ANKAR: variants seen among roughly 807,000 people sequenced by gnomAD.
ANKAR encodes ankyrin and armadillo repeat containing.
In ANKAR, 136 loss-of-function variants were observed where a neutral mutation model predicts 146.2. The observed-to-expected ratio is 0.93, with a 90% confidence interval of 0.81 to 1.07. The LOEUF (loss-of-function observed/expected upper bound fraction) is 1.07. Among genes scored for constraint, ANKAR ranks in the 50% least tolerant of loss-of-function variants. The pLI, the probability that ANKAR is intolerant of heterozygous loss-of-function variation, is 0.00. For synonymous variants in ANKAR, 500 were observed against 575.8 expected (o/e 0.87, Z 1.88); for missense variants, 1,567 against 1,679.9 (o/e 0.93, Z 1.18).
chr2:189,678,331 C>T (rs2118454), intron 2 of ANKAR, among the ~76,000 whole-genome samples: 150,279 of 152,322 alleles, frequency 0.99, 74,168 homozygotes, highest in East Asian at 1. Flanking sequence ...TGGTAGATTC[C>T]GGATATTAGT....
At chr2:189,730,673 T>C in intron 16 of ANKAR, 72 bp downstream of exon 16, 1 of 708,302 alleles carries the variant, frequency 1.4e-6, no homozygotes, top group Non-Finnish European at 2.1e-6. Context: ...TTTTGTATCT[T>C]TATTCAAGTT....
At chr2:189,752,637 G>C in intron 18 of ANKAR, 1 of 1,612,952 alleles carries the variant, frequency 6.2e-7, no homozygotes. Flanking sequence ...TAAAGATCAT[G>C]AATGATACCA....
Position 189,743,270 on chromosome 2 carries a change from T to C in ANKAR, c.3811-5T>C. The C allele has an allele frequency of 1.2e-6, 2 of 1,611,522 alleles. No homozygotes were observed. Among genetic ancestry groups the C allele is most frequent in the Non-Finnish European group, 1.7e-6 (2 of 1,178,386 alleles). On this transcript the variant is annotated splice_region_variant and splice_polypyrimidine_tract_variant and intron_variant, in intron 20 of 22. Coordinates refer to ENST00000684021, the MANE Select transcript of ANKAR (RefSeq NM_001378068.1). ...TGGTTAAGAAAGAATTGTTTCTTCA[T>C]TTAGGTTCGTGCAGCTTGTTCCTCT...
At chr2:189,704,753 A>G (rs1029468939) in intron 7 of ANKAR, among the ~76,000 whole-genome samples, 2 of 150,674 alleles carry the variant, frequency 1.3e-5, no homozygotes, top group Admixed American at 1.3e-4. Context: ...AATATTTTAA[A>G]TGTTACTCAT....
At chr2:189,694,544 C>T (rs979263181) in intron 5 of ANKAR, among the ~76,000 whole-genome samples, 5 of 152,188 alleles carry the variant, frequency 3.3e-5, no homozygotes, top group Non-Finnish European at 7.3e-5. Context: ...GGGGGTTTCT[C>T]TAGTCCACTG....
intron 10 of ANKAR, among the ~76,000 whole-genome samples, chr2:189,717,103 C>A (rs1375247019): frequency 6.6e-6 from 1 of 151,854 alleles, no homozygotes; most frequent in Non-Finnish European, 1.5e-5. Context: ...ATCTAATTAA[C>A]CTAAAGAGCT....
At chr2:189,756,613 C>T (rs2046125916) in intron 18 of ANKAR, among the ~76,000 whole-genome samples, 1 of 152,186 alleles carries the variant, frequency 6.6e-6, no homozygotes. Context: ...TTCAAAGCTA[C>T]TTTTTCTCTT....
chr2:189,714,966 A>AG (rs2040232143), intron 10 of ANKAR, among the ~76,000 whole-genome samples: 1 of 123,914 alleles, frequency 8.1e-6, no homozygotes, highest in African/African-American at 3.1e-5. Context: ...AAAAAAAAAA[A>AG]AGAGAGAGAG....
At chr2:189,725,279 TACACACACACACACACAC>T (rs10546393) in intron 12 of ANKAR, among the ~76,000 whole-genome samples, 15 of 146,572 alleles carry the variant, frequency 1.0e-4, no homozygotes, top group Admixed American at 6.9e-4. Flanking sequence ...TATGGATTTA[TACACACACACACACACAC>T]ACACACACAC....
At chr2:189,715,289 C>A (rs2040291618) in intron 10 of ANKAR, among the ~76,000 whole-genome samples, 1 of 152,086 alleles carries the variant, frequency 6.6e-6, no homozygotes, top group African/African-American at 2.4e-5. Context: ...TACATACTAC[C>A]ATCAGAGAAT....
At chr2:189,681,605 C>T (rs1050350602) in intron 2 of ANKAR, among the ~76,000 whole-genome samples, 4 of 152,168 alleles carry the variant, frequency 2.6e-5, no homozygotes, top group Non-Finnish European at 5.9e-5. Flanking sequence ...AACACTTAAC[C>T]ACCAGCACAG....
At position 189,692,411 on chromosome 2, in the gene ANKAR, AT is replaced by A. The variant is rs533473071; in HGVS notation, c.1200del (p.Gln401ArgfsTer4). 2 of 1,606,648 alleles carry A rather than the reference AT, an allele frequency of 1.2e-6. No homozygotes were observed. The highest frequency in any genetic ancestry group is 2.2e-5 in the South Asian group (2 of 89,218). On this transcript the variant is annotated frameshift_variant, in exon 4 of 23. Coordinates refer to ENST00000684021, the MANE Select transcript of ANKAR (RefSeq NM_001378068.1). LOFTEE classifies it high-confidence loss of function. The part of the protein sequence containing the change: ...STPSIENALE[D>X]FQKNLEKIRD... Reference sequence around the variant, plus strand: ...CCTTCAATTGAGAATGCCTTGGAAGATTTTCAGGTTTAAATGATCATTCCTT... The same window carrying A: ...CCTTCAATTGAGAATGCCTTGGAAGATTTCAGGTTTAAATGATCATTCCTT...
chr2:189,694,979 A>G lies in ANKAR; in HGVS notation c.1308-2A>G. 7.0e-7 allele frequency: 1 copy of G among 1,438,112 alleles called. No individual in the cohort carries two copies. 89.1% of individuals were successfully genotyped at this position (1,438,112 alleles called of 1,614,324 possible). On this transcript the variant is annotated splice_acceptor_variant, in intron 5 of 22. Coordinates refer to ENST00000684021, the MANE Select transcript of ANKAR (RefSeq NM_001378068.1). LOFTEE classifies it high-confidence loss of function. ...CATCTTTTTTTTCTTTATTTTTTAT[A>G]GCTACTATGTGATCTATTTTGAACT... is the stretch of plus-strand genomic sequence containing the variant.
intron 10 of ANKAR, among the ~76,000 whole-genome samples, chr2:189,719,148 T>G (rs2256718): frequency 0.98 from 149,450 of 152,280 alleles, 73,396 homozygotes; most frequent in East Asian, 1. Context: ...TTCACATCCT[T>G]GTATAAAATA....
At position 189,734,904 on chromosome 2, in the gene ANKAR, C is replaced by T. The variant is rs188699176; in HGVS notation, c.3423+1675C>T. 3.2e-4 allele frequency among the ~76,000 whole-genome samples: 49 copies of T among 151,760 alleles called. No individual in the cohort carries two copies. In the East Asian group the frequency reaches 7.4e-3, roughly 23 times the overall value. Reference sequence around the variant, plus strand: ...ACTTGAACCTGGGAGGTGAAGATTGCAGTGAGCCGAGATTGCATCACTGCA... The same window carrying T: ...ACTTGAACCTGGGAGGTGAAGATTGTAGTGAGCCGAGATTGCATCACTGCA... On this transcript the variant is annotated intron_variant, in intron 17 of 22. Transcript: ENST00000684021.
At chr2:189,686,104 A>G (rs1280968067) in intron 2 of ANKAR, among the ~76,000 whole-genome samples, 1 of 152,204 alleles carries the variant, frequency 6.6e-6, no homozygotes, top group African/African-American at 2.4e-5. Context: ...TTAAACTGCC[A>G]GAATCCCTTT....
intron 12 of ANKAR, among the ~76,000 whole-genome samples, chr2:189,722,906 A>C (rs1483160785): frequency 6.6e-6 from 1 of 151,834 alleles, no homozygotes; most frequent in East Asian, 1.9e-4. Context: ...AAAGAAAACT[A>C]TAGTATGAAA....
intron 17 of ANKAR, among the ~76,000 whole-genome samples, chr2:189,736,472 T>G (rs1309985511): frequency 6.6e-6 from 1 of 150,964 alleles, no homozygotes; most frequent in Non-Finnish European, 1.5e-5. Flanking sequence ...ACCTAATACC[T>G]TTCTTTTTGC....
At chr2:189,705,284 A>G in intron 8 of ANKAR, 60 bp downstream of exon 8, 1 of 1,509,460 alleles carries the variant, frequency 6.6e-7, no homozygotes, top group African/African-American at 1.4e-5. Context: ...ATAAAAAAAA[A>G]AGAAGAAAGA....
Sources: gnomAD v4.1 joint callset for allele counts (sites outside exome capture counted in the v4.1 genomes callset) on GRCh38, gnomAD v4.1.1 for gene constraint, MANE v1.5 for transcripts, NCBI Gene and HGNC (gene_info 2026-07-23, HGNC 2026-07-21) for gene names.